ISLR2: variants seen among roughly 807,000 people sequenced by gnomAD.
The protein encoded by ISLR2 is immunoglobulin superfamily containing leucine-rich repeat protein 2.
Under a neutral mutation model 25.5 loss-of-function variants are expected in ISLR2, and 16 were observed. The ratio of observed to expected loss-of-function variants is 0.63; its 90% CI spans 0.43 to 0.95. ISLR2 has a LOEUF of 0.95. Ranked by LOEUF, ISLR2 falls within the 40% of genes least tolerant of loss-of-function variation. The probability of loss-of-function intolerance (pLI) is 0.00; values close to 1 mark genes in which losing one functional copy is unlikely to be tolerated. For synonymous variants in ISLR2, 508 were observed against 486.6 expected (o/e 1.04, Z -0.58); for missense variants, 883 against 1,030.7 (o/e 0.86, Z 1.96).
At chr15:74,128,212 G>A, upstream of ISLR2, 1 of 316,566 alleles carries the variant, frequency 3.2e-6, no homozygotes, top group Non-Finnish European at 6.0e-6. Flanking sequence ...CAGAAGTCGC[G>A]GCTCCCACCC....
upstream of ISLR2, chr15:74,126,043 A>G (rs766439063): frequency 3.9e-5 from 6 of 152,160 alleles, no homozygotes; most frequent in Non-Finnish European, 8.8e-5. Context: ...ACAAATAATA[A>G]TAGTAAATCT....
exon 1 of ISLR2, chr15:74,100,327 C>A (rs1169826723): frequency 1.2e-5 from 15 of 1,257,756 alleles, no homozygotes; most frequent in Non-Finnish European, 1.5e-5. Context: ...TCGAGTGAGG[C>A]CGGGAGCGGA....
chr15:74,127,508 T>G (rs1327236201), upstream of ISLR2: 1 of 152,302 alleles, frequency 6.6e-6, no homozygotes, highest in African/African-American at 2.4e-5. Flanking sequence ...TGCTGATACC[T>G]GGGACATAGA....
chr15:74,116,709 A>G (rs901193526), intron 2 of ISLR2, among the ~76,000 whole-genome samples: 2 of 152,244 alleles, frequency 1.3e-5, no homozygotes, highest in African/African-American at 4.8e-5. Context: ...ATGTGGAAGT[A>G]AAATGATGAT....
chr15:74,127,986 C>A (rs2072321633), upstream of ISLR2: 2 of 170,278 alleles, frequency 1.2e-5, no homozygotes, highest in South Asian at 2.9e-4. Flanking sequence ...CCTTGTCACC[C>A]TCCCCTCCCC....
Position 74,134,941 on chromosome 15 carries a change from G to C in ISLR2, c.2187G>C (p.Ala729=). 6.2e-7 allele frequency: 1 copy of C among 1,613,974 alleles called. No homozygotes were observed. The highest frequency in any genetic ancestry group is 1.3e-5 in the African/African-American group (1 of 75,066). Residue 729 remains alanine (A), a synonymous_variant, in exon 3 of 3, where the codon GCG becomes GCC. Transcript: ENST00000453268. ...YSDRLPLGAE[A]VNIAQEINGN... Reference sequence around the variant, plus strand: ...ATCGGCTGCCCCTGGGCGCCGAGGCGGTCAACATCGCCCAGGAGATTAATG... The same window carrying C: ...ATCGGCTGCCCCTGGGCGCCGAGGCCGTCAACATCGCCCAGGAGATTAATG...
At position 74,134,913 on chromosome 15, in the gene ISLR2, G is replaced by T. The variant is rs770487994; in HGVS notation, c.2159G>T (p.Ser720Ile). Reference sequence around the variant, plus strand: ...GAGTTCGAGGCGGGCTCTGAGTACAGCGATCGGCTGCCCCTGGGCGCCGAG... The same window carrying T: ...GAGTTCGAGGCGGGCTCTGAGTACATCGATCGGCTGCCCCTGGGCGCCGAG... ...QEEFEAGSEYSDRLPLGAEAV... is the reference protein window; with the variant it reads ...QEEFEAGSEYIDRLPLGAEAV... Residue 720 changes from serine (S) to isoleucine (I), a missense_variant, in exon 3 of 3, where the codon AGC becomes ATC. By Grantham distance (142) the Ser-to-Ile change is moderately radical. This residue lies in a region of ISLR2 where 612 missense variants were observed against 642.8 expected (regional missense o/e 0.95). Transcript: ENST00000453268. 3 of 1,613,914 alleles carry T rather than the reference G, an allele frequency of 1.9e-6. No individual in the cohort carries two copies. The highest frequency in any genetic ancestry group is 2.5e-6 in the Non-Finnish European group (3 of 1,180,022).
intron 2 of ISLR2, among the ~76,000 whole-genome samples, chr15:74,118,644 CTATTATTATTATTATTAT>C (rs112112565): frequency 6.9e-6 from 1 of 145,722 alleles, no homozygotes; most frequent in Non-Finnish European, 1.5e-5. Context: ...AAATCTGAAG[CTATTATTATTATTATTAT>C]TATTATTATT....
At chr15:74,140,511 C>T (rs1408240139), downstream of ISLR2, among the ~76,000 whole-genome samples, 1 of 152,138 alleles carries the variant, frequency 6.6e-6, no homozygotes, top group Non-Finnish European at 1.5e-5. Context: ...CAGGAGGTGT[C>T]GCCTGCAAAG....
chr15:74,114,901 G>A (rs1208973814), intron 2 of ISLR2, among the ~76,000 whole-genome samples: 1 of 152,150 alleles, frequency 6.6e-6, no homozygotes, highest in Non-Finnish European at 1.5e-5. Flanking sequence ...AGGAGACAGA[G>A]ATCAGAGCTT....
chr15:74,135,482 T>C lies in ISLR2; in HGVS notation c.*490T>C, dbSNP rs1830548598. On this transcript the variant is annotated 3_prime_UTR_variant, in exon 3 of 3. Transcript: ENST00000453268. ...CTCCTCCCTTTCTTTCTTTCCTTTT[T>C]TTTTATTTTTTAATTTTATTTATTT... 6.0e-6 allele frequency: 1 copy of C among 166,818 alleles called. No homozygotes were observed. Among genetic ancestry groups the C allele is most frequent in the South Asian group, 2.1e-4 (1 of 4,816 alleles). 10.3% of individuals were successfully genotyped at this position (166,818 alleles called of 1,614,324 possible).
At position 74,135,022 on chromosome 15, in the gene ISLR2, G is replaced by A; in HGVS notation, c.*30G>A. 1 of 1,598,886 alleles carries A rather than the reference G, an allele frequency of 6.3e-7. No homozygotes were observed. The highest frequency in any genetic ancestry group is 8.5e-7 in the Non-Finnish European group (1 of 1,171,734). On this transcript the variant is annotated 3_prime_UTR_variant, in exon 3 of 3. Coordinates refer to ENST00000453268, the MANE Select transcript of ISLR2 (RefSeq NM_020851.3). The stretch of plus-strand genomic sequence containing the variant: ...CCGCCCGTCCGGCCCGCCCATTCCC[G>A]ACCTCCACCTAGGGTGCCTGGGAGC...
chr15:74,134,695 G>A lies in ISLR2; in HGVS notation c.1941G>A (p.Pro647=). The stretch of plus-strand genomic sequence containing the variant: ...AGCGCATCGCCGCAGACTTCGACCC[G>A]CGTGCTTCGTACCTCGAGTCCGAGA... The part of the protein sequence containing the change: ...MEKRIAADFD[P]RASYLESEKS... Residue 647 remains proline, a synonymous_variant, in exon 3 of 3, where the codon CCG becomes CCA. Transcript: ENST00000453268. The A allele has an allele frequency of 6.2e-7, 1 of 1,614,116 alleles. No individual in the cohort carries two copies. Among genetic ancestry groups the A allele is most frequent in the Non-Finnish European group, 8.5e-7 (1 of 1,180,018 alleles).
chr15:74,139,722 C>T (rs972537449), downstream of ISLR2, among the ~76,000 whole-genome samples: 1 of 152,248 alleles, frequency 6.6e-6, no homozygotes, highest in African/African-American at 2.4e-5. Context: ...CTCTCCCTGG[C>T]TCCAAGGCTT....
intron 2 of ISLR2, among the ~76,000 whole-genome samples, chr15:74,104,301 C>T (rs1436883938): frequency 6.6e-6 from 1 of 152,042 alleles, no homozygotes; most frequent in Non-Finnish European, 1.5e-5. Flanking sequence ...AAACATCCTG[C>T]GAGGCGCAAA....
chr15:74,135,033 A>G lies in ISLR2; in HGVS notation c.*41A>G. The G allele has an allele frequency of 6.3e-7, 1 of 1,590,838 alleles. No individual in the cohort carries two copies. Among genetic ancestry groups the G allele is most frequent in the East Asian group, 2.2e-5 (1 of 44,596 alleles). ...GCCCGCCCATTCCCGACCTCCACCT[A>G]GGGTGCCTGGGAGCAGCAGTCTAGG... is the stretch of plus-strand genomic sequence containing the variant. On this transcript the variant is annotated 3_prime_UTR_variant, in exon 3 of 3. Coordinates refer to ENST00000453268, the MANE Select transcript of ISLR2 (RefSeq NM_020851.3).
rs1309584540 is a variant in ISLR2 at position 74,134,893 on chromosome 15, C to T, written c.2139C>T (p.Phe713=). Residue 713 remains phenylalanine (F), a synonymous_variant, in exon 3 of 3, where the codon TTC becomes TTT. Transcript: ENST00000453268. ...ESQSKANQEE[F]EAGSEYSDRL... is the part of the protein sequence containing the mutation. The stretch of plus-strand genomic sequence containing the variant: ...AGTCCAAGGCCAACCAAGAGGAGTT[C>T]GAGGCGGGCTCTGAGTACAGCGATC... The T allele has an allele frequency of 1.4e-5, 22 of 1,614,130 alleles. No homozygotes were observed. The highest frequency in any genetic ancestry group is 1.1e-4 in the East Asian group (5 of 44,862).
Position 74,134,544 on chromosome 15 carries a change from G to A in ISLR2, c.1790G>A (p.Ser597Asn). The change falls in exon 3 of 3, where the codon AGC becomes AAC. Residue 597 changes from serine to asparagine, a missense_variant. This residue lies in a region of ISLR2 where 612 missense variants were observed against 642.8 expected (regional missense o/e 0.95). Transcript: ENST00000453268. The stretch of plus-strand genomic sequence containing the variant: ...TCGCTGCTGGTCATAGTGGCAGTGA[G>A]CGTATTCCTCCTGGTGCTGGCCACA... ...LPSLLVIVAV[S>N]VFLLVLATVP... is the part of the protein sequence containing the mutation. The A allele has an allele frequency of 6.2e-7, 1 of 1,614,150 alleles. No homozygotes were observed. Among genetic ancestry groups the A allele is most frequent in the Non-Finnish European group, 8.5e-7 (1 of 1,180,040 alleles).
At position 74,134,167 on chromosome 15, in the gene ISLR2, C is replaced by G. The variant is rs998014732; in HGVS notation, c.1413C>G (p.His471Gln). The G allele has an allele frequency of 6.2e-7, 1 of 1,613,068 alleles. No individual in the cohort carries two copies. The highest frequency in any genetic ancestry group is 1.1e-5 in the South Asian group (1 of 90,778). Residue 471 changes from histidine to glutamine, a missense_variant, in exon 3 of 3, where the codon CAC (histidine) becomes CAG (glutamine). By Grantham distance (24) the His-to-Gln change is conservative. Coordinates refer to ENST00000453268, the MANE Select transcript of ISLR2 (RefSeq NM_020851.3). The stretch of plus-strand genomic sequence containing the variant: ...ACCCCTCTCGGTACGTTTCTAACCA[C>G]GCGTTCAACCAGAGCGCAGAGCTCA... Reference protein sequence around the residue: ...NGDPSRYVSNHAFNQSAELKP... With the variant: ...NGDPSRYVSNQAFNQSAELKP...
Sources: allele counts gnomAD v4.1 joint callset (sites outside exome capture counted in the v4.1 genomes callset), GRCh38; gene constraint gnomAD v4.1.1; regional missense constraint gnomAD v4.1.1; transcripts MANE v1.5; gene names NCBI Gene and HGNC (gene_info 2026-07-23, HGNC 2026-07-21).